Variants in PRR16 observed in about 807,000 individuals in gnomAD.
PRR16 encodes the protein proline rich 16.
Under a neutral mutation model 18.2 loss-of-function variants are expected in PRR16, and 6 were observed. That is an observed-to-expected ratio of 0.33 (90% CI 0.18 to 0.65). PRR16 has a LOEUF of 0.65. PRR16 is among the 30% of genes least tolerant of loss of function. The probability of loss-of-function intolerance (pLI) is 0.74; values close to 1 mark genes in which losing one functional copy is unlikely to be tolerated. For synonymous variants in PRR16, 151 were observed against 147.8 expected (o/e 1.02, Z -0.16); for missense variants, 412 against 376.6 (o/e 1.09, Z -0.78).
intron 1 of PRR16, among the ~76,000 whole-genome samples, chr5:120,637,964 A>G (rs1394099843): frequency 3.3e-5 from 5 of 152,192 alleles, no homozygotes; most frequent in African/African-American, 1.2e-4. Context: ...GCTTGAGACT[A>G]GAAATGTTTC....
chr5:120,625,857 C>G (rs1194254846), intron 1 of PRR16, among the ~76,000 whole-genome samples: 6 of 152,116 alleles, frequency 3.9e-5, no homozygotes. Context: ...TGAGCATCAT[C>G]TAACCCTCAT....
rs139767189 is a variant in PRR16, at chr5:120,468,330, T to G, written c.159+3685T>G. The stretch of plus-strand genomic sequence containing the variant: ...GAAGATTTCCATGAAAGCTAAGTCT[T>G]TTGGAGAAATGGAGAGTTAAAAAGG... On this transcript the variant is annotated intron_variant, in intron 1 of 1. Transcript: ENST00000407149. Among the ~76,000 whole-genome samples the G allele has an allele frequency of 4.1e-3, 623 of 152,260 alleles. 4 individuals are homozygous for G. The highest frequency in any genetic ancestry group is 8.9e-3 in the South Asian group (43 of 4,824).
intron 1 of PRR16, among the ~76,000 whole-genome samples, chr5:120,600,623 A>C (rs1185545676): frequency 1.3e-5 from 2 of 151,852 alleles, no homozygotes; most frequent in Non-Finnish European, 2.9e-5. Context: ...GTTTTTTATA[A>C]GGGAAAATTA....
chr5:120,610,802 C>A (rs913430910), intron 1 of PRR16, among the ~76,000 whole-genome samples: 1 of 152,044 alleles, frequency 6.6e-6, no homozygotes, highest in East Asian at 1.9e-4. Flanking sequence ...AAATTGGTAC[C>A]AATAGAGTGG....
chr5:120,775,901 G>T, the PRR16 span, among the ~76,000 whole-genome samples: 1 of 149,786 alleles, frequency 6.7e-6, no homozygotes, highest in Non-Finnish European at 1.5e-5. Flanking sequence ...ACCCACCTTG[G>T]TCTCCCAAAG....
intron 1 of PRR16, among the ~76,000 whole-genome samples, chr5:120,543,768 G>C (rs1026861171): frequency 2.0e-5 from 3 of 152,076 alleles, no homozygotes; most frequent in Non-Finnish European, 2.9e-5. Context: ...GGGCAGTTAT[G>C]CATAATTCAA....
chr5:120,733,670 G>A, the PRR16 span, among the ~76,000 whole-genome samples: 8 of 152,180 alleles, frequency 5.3e-5, no homozygotes, highest in Non-Finnish European at 1.2e-4. Flanking sequence ...ACTGGGAAGC[G>A]GCTAGAGTTT....
chr5:120,777,157 A>T, the PRR16 span, among the ~76,000 whole-genome samples: 1 of 152,044 alleles, frequency 6.6e-6, no homozygotes, highest in Non-Finnish European at 1.5e-5. Context: ...CGCAGACTTG[A>T]TGTGAATAAT....
rs201188067 is a variant in PRR16, at chr5:120,622,836, C to T, written c.160-63118C>T. Among the ~76,000 whole-genome samples, 4 of 152,000 alleles carry T rather than the reference C, an allele frequency of 2.6e-5. No homozygotes were observed. In the East Asian group the frequency reaches 7.7e-4, roughly 29 times the overall value. ...CACTCTTTAAATCCTGTACTTTTTA[C>T]ATTATTTCTTTTTTGTTCTTTAAAA... On this transcript the variant is annotated intron_variant, in intron 1 of 1. Coordinates refer to ENST00000407149, the MANE Select transcript of PRR16 (RefSeq NM_001300783.2).
At chr5:120,663,516 A>G (rs1756249892) in intron 1 of PRR16, among the ~76,000 whole-genome samples, 1 of 152,156 alleles carries the variant, frequency 6.6e-6, no homozygotes, top group African/African-American at 2.4e-5. Flanking sequence ...GTCTACTTTA[A>G]TTATTTGTTC....
At position 120,505,915 on chromosome 5, in the gene PRR16, GGAT is replaced by G. The variant is rs1333185799; in HGVS notation, c.159+41274_159+41276del. On this transcript the variant is annotated intron_variant, in intron 1 of 1. Transcript: ENST00000407149. Reference sequence around the variant, plus strand: ...AATATGTATATATATACATACATAGGGATGATATATATGTGTGTATGTGTGTGT... The same window carrying G: ...AATATGTATATATATACATACATAGGGATATATATGTGTGTATGTGTGTGT... Among the ~76,000 whole-genome samples the G allele has an allele frequency of 9.7e-5, 14 of 144,392 alleles. No individual in the cohort carries two copies. In the East Asian group the frequency reaches 2.0e-3, roughly 21 times the overall value. 94.7% of individuals were successfully genotyped at this position (144,392 alleles called of 152,430 possible). A position where few individuals can be genotyped will look rare whatever the true frequency, so the allele number is the denominator to read the frequency against.
intron 1 of PRR16, among the ~76,000 whole-genome samples, chr5:120,600,817 C>G (rs1306279473): frequency 6.6e-6 from 1 of 151,906 alleles, no homozygotes; most frequent in Middle Eastern, 3.2e-3. Flanking sequence ...CAAGTGAGAA[C>G]ATGAAGTATT....
At chr5:120,505,219 T>C (rs372410179) in intron 1 of PRR16, among the ~76,000 whole-genome samples, 83 of 152,312 alleles carry the variant, frequency 5.4e-4, no homozygotes, top group African/African-American at 1.8e-3. Context: ...TCATAAATAT[T>C]TGAATTGAAA....
At chr5:120,549,911 A>G (rs1752199931) in intron 1 of PRR16, among the ~76,000 whole-genome samples, 1 of 152,048 alleles carries the variant, frequency 6.6e-6, no homozygotes, top group Non-Finnish European at 1.5e-5. Flanking sequence ...CTAAAATTTT[A>G]TAATTCCTCA....
chr5:120,567,230 C>G (rs1335243852), intron 1 of PRR16, among the ~76,000 whole-genome samples: 2 of 152,194 alleles, frequency 1.3e-5, no homozygotes, highest in African/African-American at 4.8e-5. Context: ...AATGCATGCC[C>G]AGTCTATGCC....
At chr5:120,470,790 C>T (rs1044470681) in intron 1 of PRR16, among the ~76,000 whole-genome samples, 6 of 152,016 alleles carry the variant, frequency 3.9e-5, no homozygotes, top group African/African-American at 1.2e-4. Flanking sequence ...ATCTGAGGTC[C>T]GAGATAGTAA....
the PRR16 span, among the ~76,000 whole-genome samples, chr5:120,706,202 G>GTATT: frequency 2.0e-5 from 3 of 152,096 alleles, no homozygotes; most frequent in African/African-American, 7.2e-5. Flanking sequence ...GTTTAACTCT[G>GTATT]TATTACCTTT....
the PRR16 span, among the ~76,000 whole-genome samples, chr5:120,754,855 T>G: frequency 6.6e-6 from 1 of 151,120 alleles, no homozygotes; most frequent in South Asian, 2.1e-4. Flanking sequence ...AACCTCGTAG[T>G]TCAATAGTCA....
At chr5:120,770,173 T>C in the PRR16 span, among the ~76,000 whole-genome samples, 3 of 151,938 alleles carry the variant, frequency 2.0e-5, no homozygotes, top group Non-Finnish European at 2.9e-5. Context: ...GTTGGAGTCA[T>C]CCCACTTCCG....
Sources: allele counts gnomAD v4.1 joint callset (sites outside exome capture counted in the v4.1 genomes callset), GRCh38; gene constraint gnomAD v4.1.1; transcripts MANE v1.5; gene names NCBI Gene and HGNC (gene_info 2026-07-23, HGNC 2026-07-21).